The following NXN variants were observed in gnomAD, a reference collection of about 807,000 sequenced individuals.
NXN encodes the protein nucleoredoxin 1.
In NXN, 16 loss-of-function variants were observed where a neutral mutation model predicts 48.6. The observed-to-expected ratio is 0.33, with a 90% CI of 0.22 to 0.50. The LOEUF is 0.50. NXN is among the 20% of genes least tolerant of loss of function. The pLI is 0.98. For missense variants in NXN, 492 were observed against 605.5 expected, an observed-to-expected ratio of 0.81 and a Z score of 1.97; for synonymous variants, 281 against 269.6, an observed-to-expected ratio of 1.04 and a Z score of -0.41.
chr17:975,249 T>A, intron 1 of NXN, among the ~76,000 whole-genome samples: 1 of 152,148 alleles, frequency 6.6e-6, no homozygotes, highest in Non-Finnish European at 1.5e-5. Flanking sequence ...AAATCCTAAT[T>A]TTCAAATCTG....
intron 1 of NXN, among the ~76,000 whole-genome samples, chr17:827,292 C>T (rs1913164254): frequency 6.6e-6 from 1 of 151,598 alleles, no homozygotes; most frequent in South Asian, 2.1e-4. Flanking sequence ...TCCTGGCCAA[C>T]ACGGTGAAAC....
At chr17:951,163 CCT>C (rs2069104770) in intron 1 of NXN, among the ~76,000 whole-genome samples, 1 of 125,652 alleles carries the variant, frequency 8.0e-6, no homozygotes, top group Non-Finnish European at 1.6e-5. Flanking sequence ...ATGGTGAAAC[CCT>C]GTCTCTACTT....
At chr17:924,371 G>T (rs528101827) in intron 1 of NXN, among the ~76,000 whole-genome samples, 1 of 152,258 alleles carries the variant, frequency 6.6e-6, no homozygotes, top group East Asian at 1.9e-4. Context: ...CGCGTAGGTG[G>T]GATTGCAAGG....
chr17:962,771 A>T (rs925267287), intron 1 of NXN, among the ~76,000 whole-genome samples: 13 of 152,158 alleles, frequency 8.5e-5, no homozygotes, highest in African/African-American at 3.1e-4. Context: ...ATACATCTGA[A>T]TGCGCTTGGA....
At chr17:907,688 T>G (rs2068594091) in intron 1 of NXN, 1 of 152,208 alleles carries the variant, frequency 6.6e-6, no homozygotes, top group South Asian at 2.1e-4. Context: ...ATGGTAATGT[T>G]TAGCAGGTGA....
intron 7 of NXN, among the ~76,000 whole-genome samples, chr17:802,126 A>AC (rs369542037): frequency 6.6e-6 from 1 of 151,780 alleles, no homozygotes; most frequent in African/African-American, 2.4e-5. Context: ...TAAGGGAGCT[A>AC]CTTTTTTTTT....
At chr17:802,849 C>G (rs1047244636) in intron 7 of NXN, among the ~76,000 whole-genome samples, 1 of 148,862 alleles carries the variant, frequency 6.7e-6, no homozygotes, top group Non-Finnish European at 1.5e-5. Context: ...CCAAACACAG[C>G]GTGAAATCAG....
intron 1 of NXN, among the ~76,000 whole-genome samples, chr17:850,329 C>T (rs2144744317): frequency 6.6e-6 from 1 of 152,304 alleles, no homozygotes; most frequent in Admixed American, 6.5e-5. Flanking sequence ...CAAGATGATG[C>T]CTTCAGACAA....
rs199546668 is a variant in NXN, at chr17:822,380, C to G, written c.690G>C (p.Glu230Asp). 3.5e-5 allele frequency: 57 copies of G among 1,613,948 alleles called. No individual in the cohort carries two copies. The highest frequency in any genetic ancestry group is 4.1e-5 in the Non-Finnish European group (48 of 1,179,960). The change falls in exon 4 of 8, where the codon GAG becomes GAC. Residue 230 changes from glutamate to aspartate, a missense_variant. Glu to Asp is a conservative substitution (Grantham distance 45, BLOSUM62 2). Around this residue, in one of 3 missense-constraint regions of NXN, gnomAD observed 303 missense variants for 388.3 expected, o/e 0.78. Transcript: ENST00000336868. ...RKIKEAGQNF[E>D]IIFVSADRSE... The stretch of plus-strand genomic sequence containing the variant: ...ACCTGTCTGCACTAACGAAGATGAT[C>G]TCGAAGTTCTGGCCTGCCTCCTTGA...
intron 1 of NXN, among the ~76,000 whole-genome samples, chr17:863,353 G>A (rs2068060690): frequency 6.6e-6 from 1 of 152,110 alleles, no homozygotes; most frequent in Admixed American, 6.6e-5. Context: ...ATTTTTAGTA[G>A]AGACGGGGTT....
At chr17:961,493 C>G (rs1597279999) in intron 1 of NXN, among the ~76,000 whole-genome samples, 1 of 152,244 alleles carries the variant, frequency 6.6e-6, no homozygotes, top group East Asian at 1.9e-4. Context: ...CAGGGTCTCA[C>G]TAGGATATAC....
At chr17:906,008 A>C (rs1377484914) in intron 1 of NXN, among the ~76,000 whole-genome samples, 1 of 151,992 alleles carries the variant, frequency 6.6e-6, no homozygotes, top group Non-Finnish European at 1.5e-5. Context: ...GTAAAAAGGT[A>C]CAGGTGAAGT....
intron 1 of NXN, among the ~76,000 whole-genome samples, chr17:960,712 G>C (rs1268550355): frequency 6.6e-6 from 1 of 151,712 alleles, no homozygotes; most frequent in African/African-American, 2.4e-5. Flanking sequence ...TCCTGGGCTC[G>C]AGTGATCCTC....
chr17:871,107 C>T (rs1352215969), intron 1 of NXN, among the ~76,000 whole-genome samples: 4 of 152,006 alleles, frequency 2.6e-5, no homozygotes, highest in South Asian at 2.1e-4. Context: ...GTGATCCGCC[C>T]ACCTCGGCCT....
intron 1 of NXN, among the ~76,000 whole-genome samples, chr17:888,446 C>T (rs1219607892): frequency 6.6e-6 from 1 of 152,160 alleles, no homozygotes; most frequent in Non-Finnish European, 1.5e-5. Flanking sequence ...GCAAAGAAAT[C>T]CTGGGCTTAA....
intron 1 of NXN, among the ~76,000 whole-genome samples, chr17:947,069 G>A (rs1010738537): frequency 6.6e-6 from 1 of 152,114 alleles, no homozygotes; most frequent in African/African-American, 2.4e-5. Context: ...GGCCCAGCAC[G>A]GGCCCCCCAC....
Position 956,202 on chromosome 17 carries a change from C to T in NXN, c.360+23117G>A, listed in dbSNP as rs1380004546. Among the ~76,000 whole-genome samples, 2 of 152,178 alleles carry T rather than the reference C, an allele frequency of 1.3e-5. No individual in the cohort carries two copies. The highest frequency in any genetic ancestry group is 4.8e-5 in the African/African-American group (2 of 41,452). ...CACCGGAATCCCGCCAAGCCTTCAA[C>T]TCTCCATCCAAACCATTCATTCTTT... On this transcript the variant is annotated intron_variant, in intron 1 of 7. Transcript: ENST00000336868. The surrounding 1 kb of genome is among the most constrained non-coding windows in gnomAD (Gnocchi z 4.1).
At chr17:806,240 CAGG>C (rs1911511551) in intron 5 of NXN, among the ~76,000 whole-genome samples, 11 of 98,082 alleles carry the variant, frequency 1.1e-4, no homozygotes, top group African/African-American at 4.1e-4. Context: ...ACCCCCTCCC[CAGG>C]GCTGCAGCCC....
intron 1 of NXN, among the ~76,000 whole-genome samples, chr17:969,229 A>G (rs2069343250): frequency 6.6e-6 from 1 of 152,142 alleles, no homozygotes; most frequent in South Asian, 2.1e-4. Context: ...ATCCTTAACA[A>G]CCACCCTAAG....
Sources: allele counts gnomAD v4.1 joint callset (sites outside exome capture counted in the v4.1 genomes callset), GRCh38; gene constraint gnomAD v4.1.1; regional missense constraint gnomAD v4.1.1; non-coding constraint Gnocchi (gnomAD v3.1); transcripts MANE v1.5; gene names NCBI Gene and HGNC (gene_info 2026-07-23, HGNC 2026-07-21).